NEK7: variants seen among roughly 807,000 people sequenced by gnomAD.
The protein encoded by NEK7 is NIMA related kinase 7, also known as serine/threonine-protein kinase Nek7.
In NEK7, 18 loss-of-function variants were observed where a neutral mutation model predicts 44.6. That is an observed-to-expected ratio of 0.40 (90% confidence interval 0.28 to 0.60). NEK7 has a LOEUF of 0.60. NEK7 is among the 20% of genes least tolerant of loss of function. NEK7 has a pLI of 0.38. For synonymous variants in NEK7, 130 were observed against 121.1 expected (o/e 1.07, Z -0.48); for missense variants, 256 against 366.5 (o/e 0.70, Z 2.46).
chr1:198,229,184 A>G (rs755382013), intron 1 of NEK7, among the ~76,000 whole-genome samples: 9 of 152,036 alleles, frequency 5.9e-5, no homozygotes, highest in Non-Finnish European at 1.2e-4. Context: ...AGCCAATGAA[A>G]TCTCCACAAA....
intron 1 of NEK7, among the ~76,000 whole-genome samples, chr1:198,168,523 A>C (rs1377758334): frequency 6.6e-6 from 1 of 152,164 alleles, no homozygotes; most frequent in Non-Finnish European, 1.5e-5. Flanking sequence ...GATCCTGTTG[A>C]CTGCACAGAC....
intron 9 of NEK7, among the ~76,000 whole-genome samples, chr1:198,312,713 G>A (rs575190411): frequency 1.3e-5 from 2 of 151,556 alleles, no homozygotes; most frequent in East Asian, 4.0e-4. Context: ...AGTCATTCAG[G>A]AGCAGGTTGT....
intron 9 of NEK7, among the ~76,000 whole-genome samples, chr1:198,314,675 T>C (rs527318956): frequency 2.2e-4 from 33 of 152,284 alleles, no homozygotes; most frequent in Admixed American, 9.2e-4. Flanking sequence ...GCTGCAAGTC[T>C]GTTTGAGTAC....
chr1:198,286,909 C>T (rs1227676449), intron 7 of NEK7, among the ~76,000 whole-genome samples: 2 of 152,104 alleles, frequency 1.3e-5, no homozygotes, highest in Non-Finnish European at 2.9e-5. Context: ...GTCCCTCTCA[C>T]ACTTTGAATC....
chr1:198,178,698 G>C (rs116508257), intron 1 of NEK7, among the ~76,000 whole-genome samples: 4,457 of 151,698 alleles, frequency 0.029, 118 homozygotes, highest in African/African-American at 0.063. Flanking sequence ...TGTTGTTGTT[G>C]TTGTTGTTGT....
intron 1 of NEK7, among the ~76,000 whole-genome samples, chr1:198,201,934 G>A (rs1665441862): frequency 6.6e-6 from 1 of 152,204 alleles, no homozygotes; most frequent in African/African-American, 2.4e-5. Flanking sequence ...GGAACCCTTT[G>A]TTCAGCAATG....
At chr1:198,160,222 G>A (rs1664062884) in intron 1 of NEK7, among the ~76,000 whole-genome samples, 1 of 151,818 alleles carries the variant, frequency 6.6e-6, no homozygotes, top group South Asian at 2.1e-4. Flanking sequence ...GGGCCTGAGA[G>A]CAGGGCCCAG....
chr1:198,259,426 C>G (rs541828415), intron 3 of NEK7, among the ~76,000 whole-genome samples: 4 of 152,186 alleles, frequency 2.6e-5, no homozygotes, highest in African/African-American at 9.6e-5. Context: ...TCTTTCTCTG[C>G]CTCCTAAAAC....
chr1:198,302,325 T>C (rs1274134360), intron 9 of NEK7, among the ~76,000 whole-genome samples: 1 of 151,930 alleles, frequency 6.6e-6, no homozygotes, highest in Non-Finnish European at 1.5e-5. Context: ...TTTTTGACTT[T>C]CTTTCTTAGG....
intron 1 of NEK7, among the ~76,000 whole-genome samples, chr1:198,164,058 T>C (rs1664189800): frequency 6.6e-6 from 1 of 152,046 alleles, no homozygotes; most frequent in African/African-American, 2.4e-5. Flanking sequence ...CTTGGAAACA[T>C]GACAAAACCC....
chr1:198,262,549 T>G (rs1042381044), intron 3 of NEK7, 26 bp from the exon 4 acceptor site: 11 of 1,439,090 alleles, frequency 7.6e-6, no homozygotes, highest in Admixed American at 1.8e-5. Context: ...ATTATTTTAT[T>G]AAGTAATTCT....
intron 2 of NEK7, among the ~76,000 whole-genome samples, chr1:198,235,633 T>G (rs1431954223): frequency 6.6e-6 from 1 of 152,210 alleles, no homozygotes; most frequent in Admixed American, 6.5e-5. Context: ...ATTAACATTT[T>G]GTGAGTATTT....
intron 9 of NEK7, among the ~76,000 whole-genome samples, chr1:198,309,970 G>A (rs1326091609): frequency 6.6e-6 from 1 of 151,876 alleles, no homozygotes; most frequent in Non-Finnish European, 1.5e-5. Context: ...GTAATGGGAT[G>A]GCTGGGTCAA....
chr1:198,210,292 C>T (rs1665724094), intron 1 of NEK7, among the ~76,000 whole-genome samples: 1 of 152,128 alleles, frequency 6.6e-6, no homozygotes, highest in Non-Finnish European at 1.5e-5. Flanking sequence ...TGCTATGTTG[C>T]TTAGGCAGGT....
At chr1:198,194,270 T>G (rs1665162059) in intron 1 of NEK7, among the ~76,000 whole-genome samples, 1 of 151,962 alleles carries the variant, frequency 6.6e-6, no homozygotes, top group Non-Finnish European at 1.5e-5. Context: ...CTTCTGGAAT[T>G]TCTAGCTTTT....
rs760210322 is a variant in NEK7, at chr1:198,242,742, G to A, written c.57+10105G>A. Among the ~76,000 whole-genome samples the A allele has an allele frequency of 6.5e-4, 98 of 151,054 alleles. 1 individual carries two copies. Among genetic ancestry groups the A allele is most frequent in the Middle Eastern group, 6.8e-3 (2 of 294 alleles). ...CCCACAAAGTGCTGGGATTACAGGC[G>A]TGAGCCACCGTGCCTGGCCAATCTC... On this transcript the variant is annotated intron_variant, in intron 2 of 9. Transcript: ENST00000367385.
chr1:198,277,015 A>G (rs1654037240), intron 5 of NEK7, among the ~76,000 whole-genome samples: 1 of 151,732 alleles, frequency 6.6e-6, no homozygotes, highest in Non-Finnish European at 1.5e-5. Context: ...GTACATATTT[A>G]AATTTTAATA....
chr1:198,286,665 G>C (rs1270646068), intron 7 of NEK7, among the ~76,000 whole-genome samples: 1 of 152,212 alleles, frequency 6.6e-6, no homozygotes, highest in Non-Finnish European at 1.5e-5. Flanking sequence ...AGTCCAATAT[G>C]ACTCTAACCA....
intron 1 of NEK7, among the ~76,000 whole-genome samples, chr1:198,216,997 A>T (rs1665940364): frequency 6.6e-6 from 1 of 152,042 alleles, no homozygotes; most frequent in African/African-American, 2.4e-5. Context: ...AGGGCCACAT[A>T]GATTCACAGC....
Sources: gnomAD v4.1 joint callset for allele counts (sites outside exome capture counted in the v4.1 genomes callset) on GRCh38, gnomAD v4.1.1 for gene constraint, MANE v1.5 for transcripts, NCBI Gene and HGNC (gene_info 2026-07-23, HGNC 2026-07-21) for gene names.